SLC18A1: variants seen among roughly 807,000 people sequenced by gnomAD.
SLC18A1 encodes the protein solute carrier family 18 member A1.
A neutral mutation model predicts 53.7 loss-of-function variants in SLC18A1; 69 were observed. The observed-to-expected ratio is 1.28, with a 90% CI of 1.06 to 1.57. The LOEUF (loss-of-function observed/expected upper bound fraction) is 1.57. SLC18A1 is among the 40% of genes most tolerant of loss of function. SLC18A1 has a pLI of 0.00. For missense variants in SLC18A1, 932 were observed against 668.1 expected (o/e 1.40, Z -4.35); for synonymous variants, 320 against 248.1 (o/e 1.29, Z -2.72).
At chr8:20,146,159 C>T (rs2071391813) in intron 15 of SLC18A1, among the ~76,000 whole-genome samples, 1 of 152,136 alleles carries the variant, frequency 6.6e-6, no homozygotes, top group East Asian at 1.9e-4. Flanking sequence ...TCGTGATGCG[C>T]CCGCCTCAGC....
chr8:20,178,970 T>A (rs370745907), intron 3 of SLC18A1, 151 bp downstream of exon 3: 1 of 877,732 alleles, frequency 1.1e-6, no homozygotes, highest in African/African-American at 1.7e-5. Context: ...TAACATGTTA[T>A]TCTTTGAGTA....
chr8:20,163,007 C>A (rs2071867544), intron 10 of SLC18A1, among the ~76,000 whole-genome samples: 1 of 152,176 alleles, frequency 6.6e-6, no homozygotes, highest in Admixed American at 6.5e-5. Context: ...TTTTCTGCTG[C>A]TATAATATAA....
intron 6 of SLC18A1, among the ~76,000 whole-genome samples, chr8:20,172,193 G>C (rs1349139209): frequency 6.6e-6 from 1 of 152,218 alleles, no homozygotes; most frequent in African/African-American, 2.4e-5. Context: ...AGTGGCTGTT[G>C]AGGATCTAAC....
rs1162833596 is a variant in SLC18A1 at position 20,178,480 on chromosome 8, T to C, written c.502A>G (p.Ile168Val). 6.2e-7 allele frequency: 1 copy of C among 1,608,912 alleles called. No homozygotes were observed. Residue 168 changes from isoleucine to valine, a missense_variant, in exon 4 of 16, where the codon ATC becomes GTC. Ile to Val is a conservative substitution (Grantham distance 29, BLOSUM62 3). Coordinates refer to ENST00000276373, the MANE Select transcript of SLC18A1 (RefSeq NM_003053.4). ...ATAACAAAGCCAGCAAACATGGGGA[T>C]ATGATATCCAATCCTAAAAGGGAAT... The part of the protein sequence containing the change: ...GPLTNRIGYH[I>V]PMFAGFVIMF...
intron 8 of SLC18A1, among the ~76,000 whole-genome samples, chr8:20,167,948 C>T (rs1466055976): frequency 6.6e-6 from 1 of 151,958 alleles, no homozygotes; most frequent in Non-Finnish European, 1.5e-5. Context: ...AACACCATTC[C>T]CTACTAACAA....
intron 5 of SLC18A1, 120 bp downstream of exon 5, chr8:20,174,241 C>G (rs755581610): frequency 5.8e-4 from 447 of 776,076 alleles, no homozygotes; most frequent in Non-Finnish European, 9.1e-4. Context: ...ATCACAATTT[C>G]TACCTATCCA....
At chr8:20,171,334 G>T in intron 7 of SLC18A1, 71 bp downstream of exon 7, 2 of 1,383,960 alleles carry the variant, frequency 1.4e-6, no homozygotes, top group South Asian at 2.3e-5. Context: ...AGTGAAGACT[G>T]ACACTACAAC....
intron 10 of SLC18A1, 135 bp from the exon 11 acceptor site, chr8:20,150,879 C>A: frequency 5.3e-6 from 4 of 751,168 alleles, no homozygotes; most frequent in Middle Eastern, 2.3e-4. Flanking sequence ...GATCTGGGGA[C>A]CTTTGTGCAA....
At chr8:20,150,837 C>T (rs1242110078) in intron 10 of SLC18A1, 93 bp from the exon 11 acceptor site, 18 of 1,148,638 alleles carry the variant, frequency 1.6e-5, no homozygotes, top group South Asian at 1.1e-4. Context: ...ACCCCTGTAA[C>T]CTTCCAAGAT....
chr8:20,163,234 C>A (rs1193156297), intron 10 of SLC18A1, among the ~76,000 whole-genome samples: 1 of 152,116 alleles, frequency 6.6e-6, no homozygotes, highest in Non-Finnish European at 1.5e-5. Context: ...TTATGACAAA[C>A]TCACTCCCAT....
intron 5 of SLC18A1, among the ~76,000 whole-genome samples, chr8:20,174,082 T>A (rs115698776): frequency 0.016 from 2,505 of 151,964 alleles, 57 homozygotes; most frequent in African/African-American, 0.058. Flanking sequence ...CTCTTTTTTT[T>A]AATAGAAATA....
In SLC18A1 at chr8:20,180,974, C is replaced by T. The variant is rs191798770; in HGVS notation, c.-10G>A. 1.7e-4 allele frequency: 260 copies of T among 1,563,126 alleles called. No homozygotes were observed. In the African/African-American group the frequency reaches 3.1e-3, roughly 18 times the overall value. ...GAATGGTCCGGAGCATGGTGATGGC[C>T]GGACTGGGGCAGTCTTCCCCTGCGG... On this transcript the variant is annotated 5_prime_UTR_variant, in exon 2 of 16. Coordinates refer to ENST00000276373, the MANE Select transcript of SLC18A1 (RefSeq NM_003053.4).
At chr8:20,168,486 G>A (rs1206575490) in intron 8 of SLC18A1, among the ~76,000 whole-genome samples, 5 of 152,220 alleles carry the variant, frequency 3.3e-5, no homozygotes, top group Non-Finnish European at 4.4e-5. Context: ...ATAATCACAT[G>A]TACATAAAAT....
rs192335595 is a variant in SLC18A1 at position 20,145,550 on chromosome 8, A to G, written c.*213T>C. On this transcript the variant is annotated 3_prime_UTR_variant, in exon 16 of 16. Transcript: ENST00000276373. The stretch of plus-strand genomic sequence containing the variant: ...GCATCACTCTGTCTTCCCATAAAAG[A>G]TGGGCCACTGCGGCACCAAGGCATA... 476 of 397,158 alleles carry G rather than the reference A, an allele frequency of 1.2e-3. 13 individuals are homozygous for G. In the Admixed American group the frequency reaches 0.019, roughly 16 times the overall value. 24.6% of individuals were successfully genotyped at this position (397,158 alleles called of 1,614,324 possible). A position where few individuals can be genotyped will look rare whatever the true frequency, so the allele number is the denominator to read the frequency against.
At chr8:20,164,780 A>G (rs1036203159) in intron 10 of SLC18A1, 89 bp downstream of exon 10, 5 of 968,902 alleles carry the variant, frequency 5.2e-6, no homozygotes, top group African/African-American at 3.3e-5. Context: ...CAAAGGAAGC[A>G]TGTTGTCCCT....
chr8:20,171,502 G>C lies in SLC18A1; in HGVS notation c.725-8C>G, dbSNP rs769058755. The C allele has an allele frequency of 5.0e-6, 8 of 1,608,256 alleles. No individual in the cohort carries two copies. Among genetic ancestry groups the C allele is most frequent in the Middle Eastern group, 1.7e-4 (1 of 6,054 alleles). On this transcript the variant is annotated splice_polypyrimidine_tract_variant and splice_region_variant and intron_variant, in intron 6 of 15. Coordinates refer to ENST00000276373, the MANE Select transcript of SLC18A1 (RefSeq NM_003053.4). Reference sequence around the variant, plus strand: ...TTCCAAAGGGAGCTCCCACTGGAGAGGCATAGGAGACACAGATTCCAGAGG... The same window carrying C: ...TTCCAAAGGGAGCTCCCACTGGAGACGCATAGGAGACACAGATTCCAGAGG...
chr8:20,149,969 C>G (rs2071508996), intron 11 of SLC18A1, among the ~76,000 whole-genome samples: 1 of 152,212 alleles, frequency 6.6e-6, no homozygotes, highest in African/African-American at 2.4e-5. Flanking sequence ...GGGACACACT[C>G]TTCCTTCCCT....
intron 10 of SLC18A1, among the ~76,000 whole-genome samples, chr8:20,154,636 G>A (rs2071637748): frequency 6.6e-6 from 1 of 152,210 alleles, no homozygotes; most frequent in African/African-American, 2.4e-5. Flanking sequence ...TGAAAGACAT[G>A]TTCAGAGAAA....
chr8:20,168,463 G>GT (rs1386273574), intron 8 of SLC18A1, among the ~76,000 whole-genome samples: 7 of 152,064 alleles, frequency 4.6e-5, no homozygotes, highest in Non-Finnish European at 7.4e-5. Flanking sequence ...TGTTTTTTAA[G>GT]TTTTTTGTGA....
Sources: allele counts gnomAD v4.1 joint callset (sites outside exome capture counted in the v4.1 genomes callset), GRCh38; gene constraint gnomAD v4.1.1; transcripts MANE v1.5; gene names NCBI Gene and HGNC (gene_info 2026-07-23, HGNC 2026-07-21).